The following NAALADL2 variants were observed in gnomAD, a reference collection of about 807,000 sequenced individuals.
The protein encoded by NAALADL2 is N-acetylated alpha-linked acidic dipeptidase like 2.
In NAALADL2, 76 loss-of-function variants were observed where a neutral mutation model predicts 87.2. The observed-to-expected ratio is 0.87, with a 90% confidence interval of 0.72 to 1.05. NAALADL2 has a LOEUF of 1.05. Ranked by LOEUF, NAALADL2 falls within the 50% of genes least tolerant of loss-of-function variation. The probability of loss-of-function intolerance (pLI) is 0.00; values close to 1 mark genes in which losing one functional copy is unlikely to be tolerated. For missense variants in NAALADL2, 1,089 were observed against 945.8 expected, an observed-to-expected ratio of 1.15 and a Z score of -1.99; for synonymous variants, 354 against 331.0, an observed-to-expected ratio of 1.07 and a Z score of -0.75.
chr3:175,348,060 G>A (rs1469104036), intron 5 of NAALADL2, among the ~76,000 whole-genome samples: 2 of 152,024 alleles, frequency 1.3e-5, no homozygotes, highest in Non-Finnish European at 2.9e-5. Context: ...CTTTTGTTTT[G>A]TTTTGTTTGA....
chr3:174,584,772 T>C (rs1447435255), intron 2 of NAALADL2, among the ~76,000 whole-genome samples: 2 of 152,144 alleles, frequency 1.3e-5, no homozygotes, highest in Non-Finnish European at 2.9e-5. Context: ...GATTCTGTTG[T>C]GTATAAATTG....
At chr3:175,729,204 A>C (rs1743338117) in intron 11 of NAALADL2, among the ~76,000 whole-genome samples, 1 of 152,194 alleles carries the variant, frequency 6.6e-6, no homozygotes, top group African/African-American at 2.4e-5. Flanking sequence ...CTAACAGGAA[A>C]GTAAGTTCTA....
In NAALADL2 at chr3:175,428,088, C is replaced by G. The variant is rs536794070; in HGVS notation, c.1091-19141C>G. Among the ~76,000 whole-genome samples the G allele has an allele frequency of 3.3e-5, 5 of 152,168 alleles. No homozygotes were observed. The East Asian group carries it at 9.7e-4, about 29-fold the overall frequency. On this transcript the variant is annotated intron_variant, in intron 5 of 13. Transcript: ENST00000454872. ...TGTTTCATCTTTACAGCTGTGTCATCATTCCCCAGATTTAGATATTGATCA... is the reference window on the plus strand; with the variant it reads ...TGTTTCATCTTTACAGCTGTGTCATGATTCCCCAGATTTAGATATTGATCA...
chr3:175,012,910 T>TAGAAAC (rs1245662373), intron 1 of NAALADL2, among the ~76,000 whole-genome samples: 30 of 149,440 alleles, frequency 2.0e-4, no homozygotes, highest in African/African-American at 7.4e-4. Flanking sequence ...TTTGTAAATG[T>TAGAAAC]AGAAACAGAT....
intron 4 of NAALADL2, 129 bp from the exon 5 acceptor site, chr3:175,324,046 A>G (rs1760352487): frequency 1.4e-6 from 1 of 695,018 alleles, no homozygotes; most frequent in South Asian, 2.2e-5. Context: ...AAAAAAAAGA[A>G]AAAGAAAAAG....
chr3:175,275,674 G>C (rs1753487742), intron 4 of NAALADL2, among the ~76,000 whole-genome samples: 1 of 151,946 alleles, frequency 6.6e-6, no homozygotes, highest in East Asian at 1.9e-4. Flanking sequence ...TGCCCATATG[G>C]TGTCTTTATG....
At chr3:174,962,166 G>C (rs1742106810) in intron 1 of NAALADL2, among the ~76,000 whole-genome samples, 1 of 151,774 alleles carries the variant, frequency 6.6e-6, no homozygotes, top group African/African-American at 2.4e-5. Flanking sequence ...GCCAGGTGCT[G>C]TGCAGATCCT....
chr3:175,798,781 TTAGA>T (rs969122319), intron 13 of NAALADL2, among the ~76,000 whole-genome samples: 18 of 152,236 alleles, frequency 1.2e-4, no homozygotes, highest in African/African-American at 4.1e-4. Context: ...CAAAAATATA[TTAGA>T]TACTGTTCAT....
intron 3 of NAALADL2, among the ~76,000 whole-genome samples, chr3:174,824,958 G>C (rs766774581): frequency 3.3e-5 from 5 of 152,098 alleles, no homozygotes; most frequent in Non-Finnish European, 5.9e-5. Context: ...ATTTAAATCT[G>C]TTCACTGCAA....
intron 1 of NAALADL2, among the ~76,000 whole-genome samples, chr3:174,451,691 C>T (rs1288795270): frequency 2.6e-5 from 4 of 152,096 alleles, no homozygotes; most frequent in African/African-American, 9.7e-5. Flanking sequence ...TTTCGGTTTA[C>T]ATATTTTTTG....
rs116373811 is a variant in NAALADL2 at position 175,183,107 on chromosome 3, T to C, written c.546-50824T>C. ...CATTGGAATTTTGTTAGAGATTGTATTGAATCTGTGGATTGCTTTGGGTAT... is the reference window on the plus strand; with the variant it reads ...CATTGGAATTTTGTTAGAGATTGTACTGAATCTGTGGATTGCTTTGGGTAT... On this transcript the variant is annotated intron_variant, in intron 2 of 13. Transcript: ENST00000454872. Among the ~76,000 whole-genome samples the C allele has an allele frequency of 1.2e-3, 181 of 152,178 alleles. 1 individual carries two copies. The highest frequency in any genetic ancestry group is 4.2e-3 in the African/African-American group (173 of 41,536).
chr3:174,831,284 C>G (rs1232701274), intron 3 of NAALADL2, among the ~76,000 whole-genome samples: 4 of 149,530 alleles, frequency 2.7e-5, no homozygotes, highest in Non-Finnish European at 5.9e-5. Flanking sequence ...TACGTCCCAT[C>G]AATACCTAAT....
chr3:175,728,232 T>C (rs1743199432), intron 11 of NAALADL2, among the ~76,000 whole-genome samples: 1 of 152,152 alleles, frequency 6.6e-6, no homozygotes, highest in African/African-American at 2.4e-5. Context: ...ACAGCTCGGA[T>C]GATAATGTGG....
intron 13 of NAALADL2, among the ~76,000 whole-genome samples, chr3:175,780,856 T>C (rs893813969): frequency 3.9e-5 from 6 of 152,202 alleles, no homozygotes; most frequent in Admixed American, 2.0e-4. Flanking sequence ...ATCACAATTA[T>C]TTGCTGTACT....
rs1041974034 is a variant in NAALADL2 at position 174,699,160 on chromosome 3, T to G, written c.-114-38481T>G. ...TTTACTTCCTTTGTAACATTATGAGTAATTTCTTTATCATCCACTTATTTT... is the reference window on the plus strand; with the variant it reads ...TTTACTTCCTTTGTAACATTATGAGGAATTTCTTTATCATCCACTTATTTT... On this transcript the variant is annotated intron_variant, in intron 2 of 3. Transcript: ENST00000434257. Among the ~76,000 whole-genome samples, 9 of 152,220 alleles carry G rather than the reference T, an allele frequency of 5.9e-5. No homozygotes were observed. In the South Asian group the frequency reaches 1.9e-3, roughly 32 times the overall value.
intron 3 of NAALADL2, among the ~76,000 whole-genome samples, chr3:174,848,944 T>C (rs535762194): frequency 9.2e-5 from 14 of 152,318 alleles, no homozygotes; most frequent in Admixed American, 2.6e-4. Flanking sequence ...TAGAGCATAT[T>C]ACTATACTGA....
chr3:174,652,330 A>G (rs550370853), intron 2 of NAALADL2, among the ~76,000 whole-genome samples: 18 of 152,212 alleles, frequency 1.2e-4, no homozygotes, highest in African/African-American at 4.1e-4. Flanking sequence ...GTTTTCTTAA[A>G]TGGGACACTG....
At chr3:174,960,133 C>T (rs1047008695) in intron 1 of NAALADL2, among the ~76,000 whole-genome samples, 4 of 151,984 alleles carry the variant, frequency 2.6e-5, no homozygotes, top group African/African-American at 4.8e-5. Flanking sequence ...ACTGGCCTTA[C>T]TATCAGGCAA....
chr3:175,328,540 T>C (rs577736977), intron 5 of NAALADL2, among the ~76,000 whole-genome samples: 43 of 152,282 alleles, frequency 2.8e-4, no homozygotes, highest in African/African-American at 9.4e-4. Context: ...AATCTTGCTA[T>C]AAGTATTTCA....
Sources: gnomAD v4.1 joint callset for allele counts (sites outside exome capture counted in the v4.1 genomes callset) on GRCh38, gnomAD v4.1.1 for gene constraint, MANE v1.5 for transcripts, NCBI Gene and HGNC (gene_info 2026-07-23, HGNC 2026-07-21) for gene names.